Variants in FAM98C observed in about 807,000 individuals in gnomAD.
The protein encoded by FAM98C is protein FAM98C.
FAM98C carries 38 observed loss-of-function variants against 41.1 expected under a neutral mutation model. The ratio of observed to expected loss-of-function variants is 0.92; its 90% CI spans 0.71 to 1.21. The LOEUF (loss-of-function observed/expected upper bound fraction) is 1.21. Among genes scored for constraint, FAM98C ranks in the 50% most tolerant of loss-of-function variants. The pLI is 0.00. For synonymous variants in FAM98C, 195 were observed against 216.7 expected (o/e 0.90, Z 0.88); for missense variants, 493 against 484.7 (o/e 1.02, Z -0.16).
chr19:38,404,770 C>T, intron 3 of FAM98C, 138 bp from the exon 4 acceptor site: 1 of 878,048 alleles, frequency 1.1e-6, no homozygotes, highest in Non-Finnish European at 1.9e-6. Flanking sequence ...ACCTCGTGAT[C>T]CGCCCGCCTC....
intron 7 of FAM98C, chr19:38,408,146 G>C (rs866293123): frequency 6.6e-6 from 1 of 152,072 alleles, no homozygotes; most frequent in African/African-American, 2.4e-5. Flanking sequence ...AAAAAACTGA[G>C]CCCGAGGTGG....
intron 3 of FAM98C, 54 bp downstream of exon 3, chr19:38,403,748 C>CT: frequency 1.5e-6 from 2 of 1,359,626 alleles, no homozygotes; most frequent in Non-Finnish European, 1.9e-6. Flanking sequence ...GCGGCGGGCT[C>CT]TGACTTTTTA....
At chr19:38,405,460 C>T (rs369832859) in intron 5 of FAM98C, 39 bp downstream of exon 5, 1 of 1,613,994 alleles carries the variant, frequency 6.2e-7, no homozygotes, top group African/African-American at 1.3e-5. Flanking sequence ...GAACTGTGTC[C>T]TCATCAGAGG....
chr19:38,403,353 G>A lies in FAM98C; in HGVS notation c.81G>A (p.Pro27=), dbSNP rs1199024744. 1.4e-6 allele frequency: 2 copies of A among 1,471,086 alleles called. No homozygotes were observed. Among genetic ancestry groups the A allele is most frequent in the African/African-American group, 1.5e-5 (1 of 67,254 alleles). The allele number at this position is 1,471,086 out of a possible 1,614,324, so 91.1% of individuals were successfully genotyped here. A position where few individuals can be genotyped will look rare whatever the true frequency, so the allele number is the denominator to read the frequency against. ...DLLALGYGGV[P]GAASRGASCP... is the part of the protein sequence containing the mutation. ...GTCCCCACAGGTATGGAGGTGTCCC[G>A]GGGGCGGCGTCGCGGGGCGCCTCAT... Residue 27 remains proline (P), a synonymous_variant, in exon 2 of 8, where the codon CCG becomes CCA. Transcript: ENST00000252530.
intron 3 of FAM98C, 35 bp downstream of exon 3, chr19:38,403,729 G>A: frequency 2.9e-6 from 4 of 1,383,528 alleles, no homozygotes; most frequent in Non-Finnish European, 3.7e-6. Flanking sequence ...CAAGGCCATG[G>A]CCTCCGGAGC....
At position 38,403,608 on chromosome 19, in the gene FAM98C, G is replaced by T; in HGVS notation, c.263G>T (p.Arg88Leu). ...DFLRQLGSLLRELHCPDRALC... is the reference protein window; with the variant it reads ...DFLRQLGSLLLELHCPDRALC... The stretch of plus-strand genomic sequence containing the variant: ...CTGCGGCAGCTCGGCAGCCTGCTGC[G>T]GGAGCTGCACTGCCCGGATCGCGCG... Residue 88 changes from arginine (R) to leucine (L), a missense_variant, in exon 3 of 8, where the codon CGG (arginine) becomes CTG (leucine). Transcript: ENST00000252530. 6.7e-7 allele frequency: 1 copy of T among 1,496,048 alleles called. No individual in the cohort carries two copies. The highest frequency in any genetic ancestry group is 8.8e-7 in the Non-Finnish European group (1 of 1,133,666). The allele number at this position is 1,496,048 out of a possible 1,614,324, so 92.7% of individuals were successfully genotyped here. A position where few individuals can be genotyped will look rare whatever the true frequency, so the allele number is the denominator to read the frequency against.
chr19:38,406,879 G>A lies in FAM98C; in HGVS notation c.751-31G>A, dbSNP rs775449935. 6 of 1,602,688 alleles carry A rather than the reference G, an allele frequency of 3.7e-6. No individual in the cohort carries two copies. In the South Asian group the frequency reaches 6.6e-5, roughly 18 times the overall value. On this transcript the variant is annotated intron_variant, in intron 6 of 7. Coordinates refer to ENST00000252530, the MANE Select transcript of FAM98C (RefSeq NM_174905.4). ...GGTCCCACGTGGGGAAGGGCTCCAG[G>A]GTACCTTCTCTTACCTCCTCCCCAC... is the stretch of plus-strand genomic sequence containing the variant.
At position 38,403,386 on chromosome 19, in the gene FAM98C, C is replaced by CT; in HGVS notation, c.116dup (p.Arg40GlnfsTer101). ...CGTCGCGGGGCGCCTCATGCCCAGA[C>CT]TTCAGGGGGCTGTGCGTGCGGCTGG... On this transcript the variant is annotated frameshift_variant, in exon 2 of 8. Coordinates refer to ENST00000252530, the MANE Select transcript of FAM98C (RefSeq NM_174905.4). LOFTEE classifies it high-confidence loss of function. 6.8e-7 allele frequency: 1 copy of CT among 1,463,556 alleles called. No individual in the cohort carries two copies. 90.7% of individuals were successfully genotyped at this position (1,463,556 alleles called of 1,614,324 possible).
At chr19:38,407,300 G>C (rs1313925922) in intron 7 of FAM98C, 1 of 525,846 alleles carries the variant, frequency 1.9e-6, no homozygotes, top group Non-Finnish European at 3.4e-6. Context: ...TATTTACTGA[G>C]TCCCTGGCTA....
intron 3 of FAM98C, 60 bp downstream of exon 3, chr19:38,403,754 T>G (rs1600526588): frequency 1.5e-6 from 2 of 1,354,148 alleles, no homozygotes; most frequent in African/African-American, 3.1e-5. Context: ...GGCTCTGACT[T>G]TTTAGGGGAA....
Position 38,405,113 on chromosome 19 carries a change from G to C in FAM98C, c.555G>C (p.Lys185Asn). 2 of 1,607,050 alleles carry C rather than the reference G, an allele frequency of 1.2e-6. No homozygotes were observed. The highest frequency in any genetic ancestry group is 1.7e-6 in the Non-Finnish European group (2 of 1,175,026). ...AGCTGCTGCAGGAGTTGCATGCTAA[G>C]GTAGAGAGTCAGAGTCCCCTCCCGA... ...ASQLLQELHAKISELQPSLPP... is the reference protein window; with the variant it reads ...ASQLLQELHANISELQPSLPP... The change falls in exon 4 of 8, where the codon AAG (lysine) becomes AAC (asparagine). Residue 185 changes from lysine to asparagine, a missense_variant and splice_region_variant. Coordinates refer to ENST00000252530, the MANE Select transcript of FAM98C (RefSeq NM_174905.4).
At position 38,403,456 on chromosome 19, in the gene FAM98C, G is replaced by A. The variant is rs971388219; in HGVS notation, c.184G>A (p.Ala62Thr). The A allele has an allele frequency of 5.7e-6, 8 of 1,407,138 alleles. No homozygotes were observed. The Admixed American group carries it at 1.4e-4, about 25-fold the overall frequency. 87.2% of individuals were successfully genotyped at this position (1,407,138 alleles called of 1,614,324 possible). The stretch of plus-strand genomic sequence containing the variant: ...GGGCGCCCTCGAGCAGCAGCGAGAG[G>A]CGGGCGCGGAGGTGCTGAGCGCCGG... ...TLGALEQQRE[A>T]GAEVLSAGDG... is the part of the protein sequence containing the mutation. Residue 62 changes from alanine to threonine, a missense_variant, in exon 2 of 8, where the codon GCG becomes ACG. Physicochemically the swap from Ala to Thr is moderately conservative, Grantham distance 58 (BLOSUM62 0). Coordinates refer to ENST00000252530, the MANE Select transcript of FAM98C (RefSeq NM_174905.4).
At chr19:38,404,305 C>T (rs894446780) in intron 3 of FAM98C, among the ~76,000 whole-genome samples, 2 of 151,994 alleles carry the variant, frequency 1.3e-5, no homozygotes, top group Admixed American at 1.3e-4. Flanking sequence ...GACAGGGTCT[C>T]AAGGTGGGGC....
chr19:38,403,719 C>T, intron 3 of FAM98C, 25 bp downstream of exon 3: 4 of 1,395,326 alleles, frequency 2.9e-6, no homozygotes, highest in Non-Finnish European at 3.7e-6. Context: ...GCAGAAGTGG[C>T]AAGGCCATGG....
chr19:38,406,776 C>G, intron 6 of FAM98C, 134 bp from the exon 7 acceptor site: 2 of 952,554 alleles, frequency 2.1e-6, no homozygotes, highest in Non-Finnish European at 3.1e-6. Flanking sequence ...CAGCGAGACC[C>G]TGTCTCAAAA....
rs368773270 is a variant in FAM98C, at chr19:38,405,287, T to C, written c.556-57T>C. ...TCCTCAGGGGTGTGGGGAGCTGAGT[T>C]TACAGAGGGGCCCATCCTCTCTGCC... On this transcript the variant is annotated intron_variant, in intron 4 of 7. Transcript: ENST00000252530. 5.1e-4 allele frequency: 808 copies of C among 1,588,922 alleles called. 2 individuals are homozygous for C. Among genetic ancestry groups the C allele is most frequent in the South Asian group, 1.6e-3 (146 of 89,768 alleles).
In FAM98C at chr19:38,404,978, G is replaced by T. The variant is rs751579130; in HGVS notation, c.420G>T (p.Arg140Ser). 7.4e-6 allele frequency: 12 copies of T among 1,614,106 alleles called. No homozygotes were observed. Among genetic ancestry groups the T allele is most frequent in the African/African-American group, 1.3e-5 (1 of 75,006 alleles). Residue 140 changes from arginine to serine, a missense_variant, in exon 4 of 8, where the codon AGG becomes AGT. Physicochemically the swap from Arg to Ser is moderately radical, Grantham distance 110. Transcript: ENST00000252530. ...CLRSLLDPSPRPPLGEGVVEG... is the reference protein window; with the variant it reads ...CLRSLLDPSPSPPLGEGVVEG... ...GCTCTCTGCTGGATCCGAGTCCTAG[G>T]CCACCCCTTGGTGAAGGGGTAGTGG...
At chr19:38,404,086 T>A (rs1022647915) in intron 3 of FAM98C, among the ~76,000 whole-genome samples, 6 of 151,900 alleles carry the variant, frequency 3.9e-5, no homozygotes, top group African/African-American at 1.2e-4. Context: ...GAAACGGGGT[T>A]TCACCATGTT....
chr19:38,403,314 C>G (rs1228184393), intron 1 of FAM98C, 24 bp from the exon 2 acceptor site: 2 of 1,489,662 alleles, frequency 1.3e-6, no homozygotes, highest in Non-Finnish European at 1.8e-6. Context: ...TCCCCGCCCC[C>G]TCCCGCTGCC....
Sources: gnomAD v4.1 joint callset for allele counts (sites outside exome capture counted in the v4.1 genomes callset) on GRCh38, gnomAD v4.1.1 for gene constraint, MANE v1.5 for transcripts, NCBI Gene and HGNC (gene_info 2026-07-23, HGNC 2026-07-21) for gene names.